The following ITGA4 variants were observed in gnomAD, a reference collection of about 807,000 sequenced individuals.
ITGA4 encodes the protein integrin alpha-4.
Under a neutral mutation model 133.6 loss-of-function variants are expected in ITGA4, and 63 were observed. That is an observed-to-expected ratio of 0.47 (90% CI 0.38 to 0.58). The LOEUF is 0.58. Ranked by LOEUF, ITGA4 falls within the 20% of genes least tolerant of loss-of-function variation. The pLI is 0.00. For missense variants in ITGA4, 1,076 were observed against 1,252.7 expected (o/e 0.86, Z 2.13); for synonymous variants, 483 against 438.0 (o/e 1.10, Z -1.28).
At chr2:181,531,830 T>A (rs2105772731) in intron 25 of ITGA4, 54 bp downstream of exon 25, 3 of 1,385,886 alleles carry the variant, frequency 2.2e-6, no homozygotes, top group East Asian at 2.5e-5. Context: ...ATAAAATCTA[T>A]AAATTCAGTC....
Position 181,535,625 on chromosome 2 carries a change from C to A in ITGA4, c.*98C>A, listed in dbSNP as rs1450454117. ...CAAGAAAAAATGAATTTTGTTTGGA[C>A]TTCTTTTACTCATGATCTTGTGACA... On this transcript the variant is annotated 3_prime_UTR_variant, in exon 28 of 28. Coordinates refer to ENST00000397033, the MANE Select transcript of ITGA4 (RefSeq NM_000885.6). The A allele has an allele frequency of 7.0e-7, 1 of 1,423,894 alleles. No homozygotes were observed. Among genetic ancestry groups the A allele is most frequent in the Non-Finnish European group, 9.4e-7 (1 of 1,066,574 alleles). The allele number at this position is 1,423,894 out of a possible 1,614,324, so 88.2% of individuals were successfully genotyped here. A position where few individuals can be genotyped will look rare whatever the true frequency, so the allele number is the denominator to read the frequency against.
At chr2:181,475,864 G>A (rs780885175) in intron 4 of ITGA4, 2 of 1,600,280 alleles carry the variant, frequency 1.2e-6, no homozygotes, top group South Asian at 2.3e-5. Context: ...GAAGTGAGCA[G>A]AATTGGGGTG....
chr2:181,495,309 C>A lies in ITGA4; in HGVS notation c.1340-62C>A. 1 of 1,287,544 alleles carries A rather than the reference C, an allele frequency of 7.8e-7. No homozygotes were observed. The highest frequency in any genetic ancestry group is 1.1e-6 in the Non-Finnish European group (1 of 883,714). The allele number at this position is 1,287,544 out of a possible 1,614,324, so 79.8% of individuals were successfully genotyped here. A position where few individuals can be genotyped will look rare whatever the true frequency, so the allele number is the denominator to read the frequency against. On this transcript the variant is annotated intron_variant, in intron 12 of 27. Coordinates refer to ENST00000397033, the MANE Select transcript of ITGA4 (RefSeq NM_000885.6). This position sits in a 1 kb window ranked among gnomAD's most constrained non-coding sequence, Gnocchi z 4.3. The stretch of plus-strand genomic sequence containing the variant: ...GTGATACGTAGTTAAGTATTTATGG[C>A]TGAAAAATAATTCTCTTTGACTAAT...
At chr2:181,524,453 TA>T (rs1457532030) in intron 20 of ITGA4, 15 of 463,176 alleles carry the variant, frequency 3.2e-5, no homozygotes, top group African/African-American at 2.2e-4. Context: ...AAGTATTTAT[TA>T]GATTAGATTA....
chr2:181,533,953 AATAAG>A (rs1338297391), intron 25 of ITGA4, among the ~76,000 whole-genome samples: 6 of 152,196 alleles, frequency 3.9e-5, no homozygotes, highest in South Asian at 4.1e-4. Flanking sequence ...AAAAAGCCCA[AATAAG>A]ATAGATTCAA....
intron 10 of ITGA4, among the ~76,000 whole-genome samples, chr2:181,488,780 T>A (rs369715005): frequency 7.9e-5 from 12 of 152,022 alleles, no homozygotes; most frequent in Non-Finnish European, 1.2e-4. Context: ...GGATGGTCTC[T>A]ATCTCCTGAC....
chr2:181,481,984 G>A (rs934538305), intron 7 of ITGA4, among the ~76,000 whole-genome samples: 6 of 152,114 alleles, frequency 3.9e-5, no homozygotes, highest in Non-Finnish European at 7.4e-5. Flanking sequence ...AAGAAGTTGA[G>A]GTAGCTACAT....
chr2:181,459,953 A>G (rs991915380), intron 2 of ITGA4, among the ~76,000 whole-genome samples: 1 of 151,982 alleles, frequency 6.6e-6, no homozygotes, highest in Admixed American at 6.6e-5. Flanking sequence ...AATTTAAGAT[A>G]ATGCCTGTCA....
chr2:181,491,100 G>A (rs1260284476), intron 10 of ITGA4, among the ~76,000 whole-genome samples: 2 of 152,140 alleles, frequency 1.3e-5, no homozygotes, highest in Non-Finnish European at 2.9e-5. Context: ...ATATGTGATA[G>A]CCAGAGATTG....
chr2:181,467,170 G>A (rs1685439316), intron 2 of ITGA4, among the ~76,000 whole-genome samples: 1 of 151,982 alleles, frequency 6.6e-6, no homozygotes, highest in Non-Finnish European at 1.5e-5. Flanking sequence ...AAACTTTAGA[G>A]TGGAACAATT....
chr2:181,526,448 G>A (rs1371103502), intron 21 of ITGA4, among the ~76,000 whole-genome samples: 2 of 152,110 alleles, frequency 1.3e-5, no homozygotes, highest in Non-Finnish European at 2.9e-5. Context: ...ATATTTCTTA[G>A]AGTTTATTGC....
intron 2 of ITGA4, among the ~76,000 whole-genome samples, chr2:181,472,564 A>G (rs1685579845): frequency 6.6e-6 from 1 of 152,242 alleles, no homozygotes; most frequent in Non-Finnish European, 1.5e-5. Context: ...TGGCTATTGT[A>G]GTAAATAACA....
At chr2:181,521,937 A>T (rs1289738106) in intron 17 of ITGA4, among the ~76,000 whole-genome samples, 9 of 152,312 alleles carry the variant, frequency 5.9e-5, no homozygotes, top group African/African-American at 1.9e-4. Context: ...AAATGAGAAA[A>T]GATACGAGTT....
rs1319722122 is a variant in ITGA4 at position 181,494,632 on chromosome 2, C to A, written c.1249-90C>A. On this transcript the variant is annotated intron_variant, in intron 11 of 27. Transcript: ENST00000397033. Reference sequence around the variant, plus strand: ...TGTTAGTAGATGTGCCAAGGCATGCCTGGGAAAGCTCATTATTTAGCTAAA... The same window carrying A: ...TGTTAGTAGATGTGCCAAGGCATGCATGGGAAAGCTCATTATTTAGCTAAA... 10 of 764,526 alleles carry A rather than the reference C, an allele frequency of 1.3e-5. No individual in the cohort carries two copies. The East Asian group carries it at 2.2e-4, about 17-fold the overall frequency. The allele number at this position is 764,526 out of a possible 1,614,324, so 47.4% of individuals were successfully genotyped here. A position where few individuals can be genotyped will look rare whatever the true frequency, so the allele number is the denominator to read the frequency against.
rs1559065783 is a variant in ITGA4 at position 181,538,180 on chromosome 2, CAT to C, written c.*2654_*2655del. The stretch of plus-strand genomic sequence containing the variant: ...TGTACATTTCTTTTAGAAACAATTA[CAT>C]GTTACTTTGGAATCATTTCTTCCAT... On this transcript the variant is annotated 3_prime_UTR_variant, in exon 28 of 28. Transcript: ENST00000397033. 1.3e-6 allele frequency: 2 copies of C among 1,546,448 alleles called. No individual in the cohort carries two copies. The highest frequency in any genetic ancestry group is 2.7e-5 in the African/African-American group (2 of 73,572).
At chr2:181,469,852 A>G (rs1574378448) in intron 2 of ITGA4, among the ~76,000 whole-genome samples, 1 of 150,634 alleles carries the variant, frequency 6.6e-6, no homozygotes, top group African/African-American at 2.4e-5. Flanking sequence ...ACTCACAGGT[A>G]GGAATTGAAC....
In ITGA4 at chr2:181,531,687, A is replaced by C; in HGVS notation, c.2695A>C (p.Asn899His). The C allele has an allele frequency of 6.2e-7, 1 of 1,603,470 alleles. No individual in the cohort carries two copies. The highest frequency in any genetic ancestry group is 8.5e-7 in the Non-Finnish European group (1 of 1,172,308). Residue 899 changes from asparagine (N) to histidine (H), a missense_variant, in exon 25 of 28, where the codon AAT becomes CAT. By Grantham distance (68) the Asn-to-His change is moderately conservative. Transcript: ENST00000397033. ...CATAAAAGCTGATCCACATTGTTTA[A>C]ATTTCTTGTGTAATTTTGGGAAAAT... Reference protein sequence around the residue: ...YCIKADPHCLNFLCNFGKMES... With the variant: ...YCIKADPHCLHFLCNFGKMES...
At chr2:181,458,966 A>G (rs1271929278) in intron 2 of ITGA4, 1 of 152,424 alleles carries the variant, frequency 6.6e-6, no homozygotes, top group South Asian at 2.1e-4. Context: ...AAAAATGTGT[A>G]CTGATAGAGG....
chr2:181,465,150 A>G (rs918198543), intron 2 of ITGA4, among the ~76,000 whole-genome samples: 5 of 152,018 alleles, frequency 3.3e-5, no homozygotes, highest in African/African-American at 9.7e-5. Context: ...TTCAAGGTCT[A>G]CCTCACCACA....
Sources: gnomAD v4.1 joint callset for allele counts (sites outside exome capture counted in the v4.1 genomes callset) on GRCh38, gnomAD v4.1.1 for gene constraint, Gnocchi (gnomAD v3.1) non-coding constraint, MANE v1.5 for transcripts, NCBI Gene and HGNC (gene_info 2026-07-23, HGNC 2026-07-21) for gene names.